The following NCBP3 variants were observed in gnomAD, a reference collection of about 807,000 sequenced individuals.
NCBP3 encodes the protein nuclear cap-binding protein subunit 3.
NCBP3 carries 20 observed loss-of-function variants against 75.7 expected under a neutral mutation model. That is an observed-to-expected ratio of 0.26 (90% CI 0.19 to 0.38). The LOEUF is 0.38. Ranked by LOEUF, NCBP3 falls within the 10% of genes least tolerant of loss-of-function variation. The pLI, the probability that NCBP3 is intolerant of heterozygous loss-of-function variation, is 1.00. For synonymous variants in NCBP3, 293 were observed against 290.5 expected (o/e 1.01, Z -0.09); for missense variants, 678 against 796.9 (o/e 0.85, Z 1.80).
At chr17:3,813,371 G>A (rs1693349253) in intron 12 of NCBP3, 92 bp from the exon 13 acceptor site, 1 of 1,456,562 alleles carries the variant, frequency 6.9e-7, no homozygotes. Context: ...CACCTGCTGT[G>A]CAGGAAACGC....
rs1444048433 is a variant in NCBP3, at chr17:3,803,612, G to A, written c.*9432C>T. The stretch of plus-strand genomic sequence containing the variant: ...TTCAGAGAGGATAGGAAGAAACAGG[G>A]GTGAGGGAGAAGAGGAGGGAACGAA... On this transcript the variant is annotated 3_prime_UTR_variant, in exon 13 of 13. Coordinates refer to ENST00000389005, the MANE Select transcript of NCBP3 (RefSeq NM_001114118.3). The A allele has an allele frequency of 1.3e-5, 2 of 152,258 alleles. No homozygotes were observed. The highest frequency in any genetic ancestry group is 6.5e-5 in the Admixed American group (1 of 15,276). The allele number at this position is 152,258 out of a possible 1,614,324, so 9.4% of individuals were successfully genotyped here. A position where few individuals can be genotyped will look rare whatever the true frequency, so the allele number is the denominator to read the frequency against.
chr17:3,829,399 G>A (rs1402115397), intron 3 of NCBP3, 31 bp from the exon 4 acceptor site: 1 of 1,548,528 alleles, frequency 6.5e-7, no homozygotes, highest in Non-Finnish European at 8.7e-7. Flanking sequence ...AAAGATGATA[G>A]AATTTTCCTG....
intron 4 of NCBP3, among the ~76,000 whole-genome samples, chr17:3,828,527 G>A (rs2053825558): frequency 6.6e-6 from 1 of 152,164 alleles, no homozygotes; most frequent in African/African-American, 2.4e-5. Context: ...CATCTAGGGT[G>A]CTACCCAGCA....
At chr17:3,838,360 G>A (rs555224669) in intron 3 of NCBP3, among the ~76,000 whole-genome samples, 1 of 152,400 alleles carries the variant, frequency 6.6e-6, no homozygotes, top group South Asian at 2.1e-4. Context: ...CGCCCTCGCG[G>A]TAGAGTTGTG....
chr17:3,819,373 T>G (rs1047201876), intron 9 of NCBP3, among the ~76,000 whole-genome samples: 1 of 152,072 alleles, frequency 6.6e-6, no homozygotes, highest in Non-Finnish European at 1.5e-5. Context: ...CTGGCTAACA[T>G]GCTAATACCC....
chr17:3,824,351 CACAT>C (rs1476882834), intron 7 of NCBP3: 1 of 148,668 alleles, frequency 6.7e-6, no homozygotes. Context: ...CATACACACA[CACAT>C]ACACACACAC....
rs1318999836 is a variant in NCBP3 at position 3,829,342 on chromosome 17, T to C, written c.382A>G (p.Ile128Val). The change falls in exon 4 of 13, where the codon ATC becomes GTC. Residue 128 changes from isoleucine to valine, a missense_variant. By Grantham distance (29) the Ile-to-Val change is conservative (BLOSUM62 3). This residue lies in a region of NCBP3 where 40 missense variants were observed against 41.3 expected (regional missense o/e 0.97). Transcript: ENST00000389005. Reference protein sequence around the residue: ...KAIPKVRLETIYICGVDEMST... With the variant: ...KAIPKVRLETVYICGVDEMST... ...ATCTCATCTACTCCGCAAATATAGA[T>C]TGTCTCCAGTCTCACCTTGGGGATT... 4 of 1,551,772 alleles carry C rather than the reference T, an allele frequency of 2.6e-6. No individual in the cohort carries two copies. The highest frequency in any genetic ancestry group is 1.2e-5 in the South Asian group (1 of 84,068).
chr17:3,815,862 C>CT (rs2053521624), intron 11 of NCBP3, among the ~76,000 whole-genome samples: 1 of 152,132 alleles, frequency 6.6e-6, no homozygotes, highest in South Asian at 2.1e-4. Flanking sequence ...GGAGGGGGTC[C>CT]TGGAAGCAAG....
chr17:3,833,126 A>G (rs1481117120), intron 3 of NCBP3, among the ~76,000 whole-genome samples: 1 of 152,030 alleles, frequency 6.6e-6, no homozygotes, highest in Non-Finnish European at 1.5e-5. Context: ...GGTGGTGTAC[A>G]GCTATAGTCC....
Position 3,818,550 on chromosome 17 carries a change from T to C in NCBP3, c.1023A>G (p.Glu341=), listed in dbSNP as rs549906697. 3.7e-5 allele frequency: 59 copies of C among 1,608,138 alleles called. 2 individuals carry two copies. In the South Asian group the frequency reaches 5.7e-4, roughly 16 times the overall value. ...RHSGLVNVPE[E]PIEEEEEEEE... is the part of the protein sequence containing the mutation. ...CCTCCTCTTCCTCCTCTTCAATGGGTTCCTCGGGAACATTCACTAGCCCTG... is the reference window on the plus strand; with the variant it reads ...CCTCCTCTTCCTCCTCTTCAATGGGCTCCTCGGGAACATTCACTAGCCCTG... Residue 341 remains glutamate (E), a synonymous_variant, in exon 10 of 13, where the codon GAA becomes GAG. Transcript: ENST00000389005. This position sits in a 1 kb window ranked among gnomAD's most constrained non-coding sequence, Gnocchi z 4.7.
Position 3,821,278 on chromosome 17 carries a change from C to G in NCBP3, c.971G>C (p.Gly324Ala). 1 of 1,613,970 alleles carries G rather than the reference C, an allele frequency of 6.2e-7. No individual in the cohort carries two copies. The highest frequency in any genetic ancestry group is 1.1e-5 in the South Asian group (1 of 91,082). The part of the protein sequence containing the change: ...KKRALIGDDV[G>A]LTSYKHRHSG... ...ATGTCGATGTTTATACGACGTCAAG[C>G]CAACGTCATCCCCAATCAGGGCTCT... Residue 324 changes from glycine to alanine, a missense_variant, in exon 9 of 13, where the codon GGC (glycine) becomes GCC (alanine). Physicochemically the swap from Gly to Ala is moderately conservative, Grantham distance 60 (BLOSUM62 0). Transcript: ENST00000389005.
intron 7 of NCBP3, 52 bp downstream of exon 7, chr17:3,824,890 T>C (rs1402696162): frequency 4.4e-5 from 46 of 1,044,828 alleles, no homozygotes; most frequent in South Asian, 3.6e-4. Context: ...TGTCACTCCA[T>C]AATAAATCAT....
rs879731628 is a variant in NCBP3 at position 3,839,354 on chromosome 17, A to AT, written c.355+745dup. ...TATTCAGATTATCAATAGATTCAGAATTTTTTTTTTTAAGACAGAGTCTCG... is the reference window on the plus strand; with the variant it reads ...TATTCAGATTATCAATAGATTCAGAATTTTTTTTTTTTAAGACAGAGTCTCG... On this transcript the variant is annotated intron_variant, in intron 3 of 12. Transcript: ENST00000389005. Among the ~76,000 whole-genome samples the AT allele has an allele frequency of 1.2e-4, 18 of 148,964 alleles. No homozygotes were observed. The Middle Eastern group carries it at 0.014, about 115-fold the overall frequency.
intron 1 of NCBP3, among the ~76,000 whole-genome samples, chr17:3,843,805 A>C (rs1482565639): frequency 1.3e-5 from 2 of 152,104 alleles, no homozygotes; most frequent in Non-Finnish European, 2.9e-5. Flanking sequence ...TCAGCCTCCC[A>C]AAGTGCTGGG....
intron 2 of NCBP3, among the ~76,000 whole-genome samples, chr17:3,841,149 G>A (rs2054056506): frequency 6.6e-6 from 1 of 152,100 alleles, no homozygotes; most frequent in African/African-American, 2.4e-5. Flanking sequence ...GCTAATTTTT[G>A]TATTTTTAGT....
chr17:3,832,607 G>A, intron 3 of NCBP3, among the ~76,000 whole-genome samples: 1 of 149,172 alleles, frequency 6.7e-6, no homozygotes, highest in East Asian at 2.0e-4. Flanking sequence ...CTCCAGCCTG[G>A]GTGACAGAGC....
chr17:3,808,605 G>A lies in NCBP3; in HGVS notation c.*4439C>T, dbSNP rs1031589263. ...TGTGCACAGTCTGTAGGGCTAGTGAGATCAAGATACATTTAGGGAACTGGT... is the reference window on the plus strand; with the variant it reads ...TGTGCACAGTCTGTAGGGCTAGTGAAATCAAGATACATTTAGGGAACTGGT... On this transcript the variant is annotated 3_prime_UTR_variant, in exon 13 of 13. Coordinates refer to ENST00000389005, the MANE Select transcript of NCBP3 (RefSeq NM_001114118.3). 1 of 152,320 alleles carries A rather than the reference G, an allele frequency of 6.6e-6. No homozygotes were observed. The highest frequency in any genetic ancestry group is 2.4e-5 in the African/African-American group (1 of 41,446). The allele number at this position is 152,320 out of a possible 1,614,324, so 9.4% of individuals were successfully genotyped here.
chr17:3,845,760 C>CG (rs1044818752), intron 1 of NCBP3, among the ~76,000 whole-genome samples: 7 of 152,098 alleles, frequency 4.6e-5, no homozygotes, highest in Admixed American at 2.0e-4. Context: ...TTGCACAGCG[C>CG]GGCTCAGAGG....
At chr17:3,829,148 T>A in intron 4 of NCBP3, 95 bp downstream of exon 4, 1 of 1,346,902 alleles carries the variant, frequency 7.4e-7, no homozygotes, top group Non-Finnish European at 1.0e-6. Context: ...CATAAACAAG[T>A]AGTATGGGCC....
Sources: allele counts gnomAD v4.1 joint callset (sites outside exome capture counted in the v4.1 genomes callset), GRCh38; gene constraint gnomAD v4.1.1; regional missense constraint gnomAD v4.1.1; non-coding constraint Gnocchi (gnomAD v3.1); transcripts MANE v1.5; gene names NCBI Gene and HGNC (gene_info 2026-07-23, HGNC 2026-07-21).